POLD3: variants seen among roughly 807,000 people sequenced by gnomAD.
The protein encoded by POLD3 is DNA polymerase delta 3, accessory subunit.
A neutral mutation model predicts 58.2 loss-of-function variants in POLD3; 19 were observed. The observed-to-expected ratio is 0.33, with a 90% CI of 0.23 to 0.48. The LOEUF is 0.48. Among genes scored for constraint, POLD3 ranks in the 20% least tolerant of loss-of-function variants. The probability of loss-of-function intolerance (pLI) is 0.99; values close to 1 mark genes in which losing one functional copy is unlikely to be tolerated. For missense variants in POLD3, 504 were observed against 545.5 expected (o/e 0.92, Z 0.76); for synonymous variants, 172 against 193.5 (o/e 0.89, Z 0.92).
At chr11:74,649,507 A>T (rs1397795456) in intron 4 of POLD3, among the ~76,000 whole-genome samples, 1 of 152,220 alleles carries the variant, frequency 6.6e-6, no homozygotes, top group African/African-American at 2.4e-5. Context: ...AATGACCATT[A>T]TACTTAGAAA....
chr11:74,603,340 G>A (rs2031565611), intron 2 of POLD3, among the ~76,000 whole-genome samples: 1 of 152,212 alleles, frequency 6.6e-6, no homozygotes, highest in South Asian at 2.1e-4. Flanking sequence ...TTGGGAAGGA[G>A]AGCTGATGAG....
intron 9 of POLD3, among the ~76,000 whole-genome samples, chr11:74,632,743 C>T (rs879291058): frequency 1.3e-5 from 2 of 152,044 alleles, no homozygotes; most frequent in Non-Finnish European, 2.9e-5. Flanking sequence ...ATGTTTTACT[C>T]ATTTATTATC....
chr11:74,636,683 A>G (rs1161995547), intron 11 of POLD3, among the ~76,000 whole-genome samples: 1 of 151,866 alleles, frequency 6.6e-6, no homozygotes, highest in Non-Finnish European at 1.5e-5. Flanking sequence ...TTTCTAGAAT[A>G]TTTGTTTTTA....
chr11:74,607,250 A>ATTTG (rs201656021), intron 3 of POLD3, among the ~76,000 whole-genome samples: 2 of 139,618 alleles, frequency 1.4e-5, no homozygotes, highest in African/African-American at 5.5e-5. Context: ...TTATATATTT[A>ATTTG]TTTATTTATT....
chr11:74,599,646 G>A (rs1190902804), intron 2 of POLD3, among the ~76,000 whole-genome samples: 1 of 152,028 alleles, frequency 6.6e-6, no homozygotes, highest in Admixed American at 6.5e-5. Flanking sequence ...ACAGGCTTGA[G>A]CCACCGTGCC....
intron 3 of POLD3, among the ~76,000 whole-genome samples, chr11:74,610,367 T>A (rs935971094): frequency 6.6e-6 from 1 of 152,038 alleles, no homozygotes; most frequent in Non-Finnish European, 1.5e-5. Context: ...TGCACCACCA[T>A]GCCCAGCTAA....
chr11:74,604,704 T>A lies in POLD3; in HGVS notation c.129T>A (p.Asp43Glu). Residue 43 changes from aspartate (D) to glutamate (E), a missense_variant, in exon 3 of 12, where the codon GAT becomes GAA. Around this residue, in one of 2 missense-constraint regions of POLD3, gnomAD observed 119 missense variants for 175.0 expected, o/e 0.68. Transcript: ENST00000263681. Reference protein sequence around the residue: ...HVNQAKQMLYDYVERKRKENS... With the variant: ...HVNQAKQMLYEYVERKRKENS... ...TTCTTTGGAATAGGATGCTGTATGATTATGTTGAAAGGAAACGAAAAGAAA... is the reference window on the plus strand; with the variant it reads ...TTCTTTGGAATAGGATGCTGTATGAATATGTTGAAAGGAAACGAAAAGAAA... The A allele has an allele frequency of 6.3e-7, 1 of 1,593,030 alleles. No homozygotes were observed. The highest frequency in any genetic ancestry group is 1.1e-5 in the South Asian group (1 of 90,636).
Position 74,643,061 on chromosome 11 carries a change from G to A in POLD3, c.*2295G>A, listed in dbSNP as rs958767360. 5.2e-5 allele frequency: 22 copies of A among 423,242 alleles called. No homozygotes were observed. The highest frequency in any genetic ancestry group is 4.5e-4 in the African/African-American group (21 of 46,232). The allele number at this position is 423,242 out of a possible 1,614,324, so 26.2% of individuals were successfully genotyped here. A position where few individuals can be genotyped will look rare whatever the true frequency, so the allele number is the denominator to read the frequency against. ...AAATAAAACTAAAATGAGTTACCAA[G>A]GGTGTCAAGACTAAAGTCAAGTGTA... On this transcript the variant is annotated 3_prime_UTR_variant, in exon 12 of 12. Coordinates refer to ENST00000263681, the MANE Select transcript of POLD3 (RefSeq NM_006591.3).
chr11:74,655,224 C>T (rs765715416), intron 4 of POLD3, among the ~76,000 whole-genome samples: 6 of 152,240 alleles, frequency 3.9e-5, no homozygotes, highest in Non-Finnish European at 8.8e-5. Flanking sequence ...CACTAAGCAA[C>T]ACTGACATGG....
chr11:74,636,982 A>C (rs923482843), intron 11 of POLD3, among the ~76,000 whole-genome samples: 6 of 152,130 alleles, frequency 3.9e-5, no homozygotes, highest in African/African-American at 1.4e-4. Flanking sequence ...AAGATTTAGC[A>C]CTTGAGGTTT....
At chr11:74,638,621 T>G in intron 11 of POLD3, 1 of 456,078 alleles carries the variant, frequency 2.2e-6, no homozygotes, top group South Asian at 1.5e-5. Context: ...ACATAATGCT[T>G]TTGAAGATGC....
intron 2 of POLD3, among the ~76,000 whole-genome samples, chr11:74,602,808 A>G (rs2031548234): frequency 6.6e-6 from 1 of 152,176 alleles, no homozygotes; most frequent in African/African-American, 2.4e-5. Context: ...ATTCCACTAC[A>G]GCACACTGGC....
At chr11:74,618,504 G>T in intron 5 of POLD3, 33 bp from the exon 6 acceptor site, 2 of 1,530,388 alleles carry the variant, frequency 1.3e-6, no homozygotes, top group Non-Finnish European at 1.8e-6. Context: ...TGCATATGCT[G>T]ACATTAACTT....
In POLD3 at chr11:74,592,655, C is replaced by T; in HGVS notation, c.-4C>T. ...TTAGAGGCGGGTCCCAGCGCTGCCGCACCATGGCGGACCAGCTTTATCTGG... is the reference window on the plus strand; with the variant it reads ...TTAGAGGCGGGTCCCAGCGCTGCCGTACCATGGCGGACCAGCTTTATCTGG... On this transcript the variant is annotated 5_prime_UTR_variant, in exon 1 of 12. Transcript: ENST00000263681. 1.2e-6 allele frequency: 2 copies of T among 1,611,338 alleles called. No homozygotes were observed. Among genetic ancestry groups the T allele is most frequent in the Non-Finnish European group, 1.7e-6 (2 of 1,178,686 alleles).
chr11:74,628,226 G>A (rs767739700), intron 8 of POLD3, among the ~76,000 whole-genome samples: 6 of 152,012 alleles, frequency 3.9e-5, no homozygotes, highest in Non-Finnish European at 8.8e-5. Context: ...ATTCCTGATT[G>A]ATAATTTATA....
Position 74,618,693 on chromosome 11 carries a change from G to T in POLD3, c.549G>T (p.Lys183Asn). ...TTNGHGPPAS[K>N]QVSQQPKGIM... Reference sequence around the variant, plus strand: ...ATGGTCATGGCCCACCTGCATCCAAGCAGGTTTCCCAGCAGCCCAAAGGAA... The same window carrying T: ...ATGGTCATGGCCCACCTGCATCCAATCAGGTTTCCCAGCAGCCCAAAGGAA... Residue 183 changes from lysine (K) to asparagine (N), a missense_variant, in exon 6 of 12, where the codon AAG becomes AAT. Around this residue, in one of 2 missense-constraint regions of POLD3, gnomAD observed 385 missense variants for 370.5 expected, o/e 1.04. Transcript: ENST00000263681. The T allele has an allele frequency of 6.2e-7, 1 of 1,614,152 alleles. No homozygotes were observed. The highest frequency in any genetic ancestry group is 1.1e-5 in the South Asian group (1 of 91,086).
At chr11:74,654,357 A>AT (rs2033106354) in intron 4 of POLD3, among the ~76,000 whole-genome samples, 1 of 152,220 alleles carries the variant, frequency 6.6e-6, no homozygotes, top group South Asian at 2.1e-4. Context: ...AAGAGACATA[A>AT]TAAGAGAGTT....
intron 3 of POLD3, among the ~76,000 whole-genome samples, chr11:74,608,666 G>A (rs2031779967): frequency 1.3e-5 from 2 of 152,068 alleles, no homozygotes; most frequent in South Asian, 2.1e-4. Context: ...GTATCCCCCA[G>A]GGCAGTATAT....
intron 7 of POLD3, among the ~76,000 whole-genome samples, chr11:74,621,250 C>T (rs1298581065): frequency 6.6e-6 from 1 of 152,140 alleles, no homozygotes; most frequent in Non-Finnish European, 1.5e-5. Context: ...TGAACTCCAC[C>T]TCCTGTCAGA....
Sources: allele counts gnomAD v4.1 joint callset (sites outside exome capture counted in the v4.1 genomes callset), GRCh38; gene constraint gnomAD v4.1.1; regional missense constraint gnomAD v4.1.1; transcripts MANE v1.5; gene names NCBI Gene and HGNC (gene_info 2026-07-23, HGNC 2026-07-21).